The following CDKN2B-AS1 variants were observed in gnomAD, a reference collection of about 807,000 sequenced individuals.
The protein encoded by CDKN2B-AS1 is CDKN2B and CDKN2A antisense cis and trans regulatory RNA 1.
rs1341763892 is a variant in CDKN2B-AS1 at position 21,997,006 on chromosome 9, T to C, written n.29+1845T>C. On this transcript the variant is annotated intron_variant and non_coding_transcript_variant, in intron 1 of 4. Transcript: ENST00000650946. The surrounding 1 kb of genome is among the most constrained non-coding windows in gnomAD (Gnocchi z 4.8). ...TGTGTGCGTGCCAGTACCACACATA[T>C]GTATATGTATATACACACCGTCATG... 6.6e-6 allele frequency among the ~76,000 whole-genome samples: 1 copy of C among 152,204 alleles called. No individual in the cohort carries two copies. Among genetic ancestry groups the C allele is most frequent in the Admixed American group, 6.5e-5 (1 of 15,286 alleles).
In CDKN2B-AS1 at chr9:22,005,633, T is replaced by G; in HGVS notation, n.29+10472T>G. ...ACTCAGCGCTGGAGTGGGAGATTCATCCATCGGAAGATTCGTAGCCACCAG... is the reference window on the plus strand; with the variant it reads ...ACTCAGCGCTGGAGTGGGAGATTCAGCCATCGGAAGATTCGTAGCCACCAG... On this transcript the variant is annotated intron_variant and non_coding_transcript_variant, in intron 1 of 4. Coordinates refer to ENST00000650946, the Ensembl canonical transcript of CDKN2B-AS1. The surrounding 1 kb of genome is among the most constrained non-coding windows in gnomAD (Gnocchi z 4.9). The G allele has an allele frequency of 2.2e-6, 1 of 457,418 alleles. No individual in the cohort carries two copies. Among genetic ancestry groups the G allele is most frequent in the South Asian group, 2.2e-5 (1 of 45,514 alleles). 28.3% of individuals were successfully genotyped at this position (457,418 alleles called of 1,614,324 possible).
At chr9:22,091,460 C>T (rs966621146) in intron 4 of CDKN2B-AS1, among the ~76,000 whole-genome samples, 2 of 152,184 alleles carry the variant, frequency 1.3e-5, no homozygotes, top group African/African-American at 2.4e-5. Flanking sequence ...TACCCATGAG[C>T]ATGGAATGTT....
chr9:22,040,987 C>T (rs557208080), intron 1 of CDKN2B-AS1, among the ~76,000 whole-genome samples: 6 of 152,066 alleles, frequency 3.9e-5, no homozygotes, highest in South Asian at 2.1e-4. Flanking sequence ...TTGCTCACTG[C>T]GTGTAGAATC....
chr9:22,088,698 A>C (rs892620399), intron 4 of CDKN2B-AS1, among the ~76,000 whole-genome samples: 1 of 152,230 alleles, frequency 6.6e-6, no homozygotes, highest in Non-Finnish European at 1.5e-5. Context: ...TTAAATAGAC[A>C]TAAGTTACAG....
chr9:22,030,035 T>G (rs574233391), intron 1 of CDKN2B-AS1: 2 of 152,248 alleles, frequency 1.3e-5, no homozygotes, highest in African/African-American at 4.8e-5. Context: ...AAGCCAAAAG[T>G]TCTTCTTGAA....
chr9:22,011,882 A>C (rs1483882541), intron 1 of CDKN2B-AS1, among the ~76,000 whole-genome samples: 1 of 152,214 alleles, frequency 6.6e-6, no homozygotes, highest in Non-Finnish European at 1.5e-5. Context: ...TGAAACTTGG[A>C]ATTGTCAGAG....
intron 4 of CDKN2B-AS1, among the ~76,000 whole-genome samples, chr9:22,109,183 G>A (rs1825738521): frequency 6.6e-6 from 1 of 152,192 alleles, no homozygotes; most frequent in African/African-American, 2.4e-5. Context: ...TCACCTGACA[G>A]AAACTTTGGA....
intron 4 of CDKN2B-AS1, among the ~76,000 whole-genome samples, chr9:22,097,525 T>C (rs1825324872): frequency 6.6e-6 from 1 of 152,212 alleles, no homozygotes; most frequent in African/African-American, 2.4e-5. Context: ...GTTGAAAGAA[T>C]AATAACTACT....
intron 1 of CDKN2B-AS1, among the ~76,000 whole-genome samples, chr9:22,043,052 C>CA (rs1822963115): frequency 6.6e-6 from 1 of 151,970 alleles, no homozygotes; most frequent in Admixed American, 6.6e-5. Context: ...CTTTTCTCTC[C>CA]ATCCCCCAAA....
chr9:22,079,116 A>C (rs1824599884), intron 4 of CDKN2B-AS1, among the ~76,000 whole-genome samples: 1 of 152,210 alleles, frequency 6.6e-6, no homozygotes. Flanking sequence ...AGTTTATCAC[A>C]ATTAAAAAGA....
At chr9:22,028,466 A>G (rs1822330427) in intron 1 of CDKN2B-AS1, among the ~76,000 whole-genome samples, 1 of 152,166 alleles carries the variant, frequency 6.6e-6, no homozygotes, top group Non-Finnish European at 1.5e-5. Context: ...TAAACAAGAC[A>G]TAGTTAAAAT....
intron 4 of CDKN2B-AS1, among the ~76,000 whole-genome samples, chr9:22,101,113 T>G (rs1213910547): frequency 1.3e-5 from 2 of 152,216 alleles, no homozygotes; most frequent in Non-Finnish European, 2.9e-5. Flanking sequence ...TGAAAATCTT[T>G]AAAATTCCTC....
chr9:22,095,354 G>T (rs1435336830), intron 4 of CDKN2B-AS1, among the ~76,000 whole-genome samples: 6 of 144,886 alleles, frequency 4.1e-5, no homozygotes, highest in African/African-American at 1.4e-4. Context: ...TATGTACCCA[G>T]TAGTCATTCA....
intron 1 of CDKN2B-AS1, among the ~76,000 whole-genome samples, chr9:22,020,427 T>A (rs555018147): frequency 6.6e-6 from 1 of 152,286 alleles, no homozygotes; most frequent in South Asian, 2.1e-4. Flanking sequence ...GGTATTTCTG[T>A]CTTTAGGTCT....
intron 4 of CDKN2B-AS1, chr9:22,063,861 G>T (rs1563957182): frequency 6.6e-6 from 1 of 152,316 alleles, no homozygotes; most frequent in Non-Finnish European, 1.5e-5. Flanking sequence ...AAGAGAGTGT[G>T]TTATTTGCAG....
Position 21,995,138 on chromosome 9 carries a change from C to T in CDKN2B-AS1, n.6C>T, listed in dbSNP as rs925481547. The stretch of plus-strand genomic sequence containing the variant: ...GCGGCGCTGGCGCTGCCGGAGCTGT[C>T]GACCCGGCCTGGCGCCGGACTAGGT... On this transcript the variant is annotated non_coding_transcript_exon_variant, in exon 1 of 5. Coordinates refer to ENST00000650946, the Ensembl canonical transcript of CDKN2B-AS1. This position sits in a 1 kb window ranked among gnomAD's most constrained non-coding sequence, Gnocchi z 5.7. 1 of 152,196 alleles carries T rather than the reference C, an allele frequency of 6.6e-6. No homozygotes were observed. The highest frequency in any genetic ancestry group is 2.4e-5 in the African/African-American group (1 of 41,460). 9.4% of individuals were successfully genotyped at this position (152,196 alleles called of 1,614,324 possible).
chr9:22,040,138 C>T (rs1822841163), intron 1 of CDKN2B-AS1, among the ~76,000 whole-genome samples: 1 of 151,980 alleles, frequency 6.6e-6, no homozygotes, highest in Non-Finnish European at 1.5e-5. Context: ...GACAATTTCT[C>T]TTTTTAGGCC....
At chr9:22,098,420 T>A (rs1587529771) in intron 4 of CDKN2B-AS1, among the ~76,000 whole-genome samples, 1 of 126,288 alleles carries the variant, frequency 7.9e-6, no homozygotes, top group South Asian at 2.2e-4. Context: ...TGGGCAAGAA[T>A]TTTTTTTTTT....
intron 4 of CDKN2B-AS1, among the ~76,000 whole-genome samples, chr9:22,101,695 CACACACAT>C (rs149998711): frequency 0.27 from 39,501 of 146,898 alleles, 5,597 homozygotes; most frequent in Middle Eastern, 0.42. Flanking sequence ...CACACACACA[CACACACAT>C]GGCTTCTAGA....
Sources: gnomAD v4.1 joint callset for allele counts (sites outside exome capture counted in the v4.1 genomes callset) on GRCh38, gnomAD v4.1.1 for gene constraint, Gnocchi (gnomAD v3.1) non-coding constraint, MANE v1.5 for transcripts, NCBI Gene and HGNC (gene_info 2026-07-23, HGNC 2026-07-21) for gene names.